Variants in RASGRF1 observed in about 807,000 individuals in gnomAD.
RASGRF1 encodes the protein ras-specific guanine nucleotide-releasing factor 1.
RASGRF1 carries 40 observed loss-of-function variants against 138.7 expected under a neutral mutation model. The observed-to-expected ratio is 0.29, with a 90% CI of 0.22 to 0.38. RASGRF1 has a LOEUF of 0.38. RASGRF1 is among the 10% of genes least tolerant of loss of function. The pLI, the probability that RASGRF1 is intolerant of heterozygous loss-of-function variation, is 1.00. For missense variants in RASGRF1, 1,108 were observed against 1,650.4 expected (o/e 0.67, Z 5.69); for synonymous variants, 614 against 663.2 (o/e 0.93, Z 1.14).
chr15:78,995,625 T>C, intron 20 of RASGRF1, 115 bp downstream of exon 20: 1 of 1,315,536 alleles, frequency 7.6e-7, no homozygotes, highest in Non-Finnish European at 1.1e-6. Flanking sequence ...TTTGTGGTAT[T>C]TTTTCACAAC....
At chr15:79,004,764 T>C in intron 14 of RASGRF1, 3 of 985,682 alleles carry the variant, frequency 3.0e-6, no homozygotes, top group South Asian at 4.7e-5. Flanking sequence ...AAACAGGTTA[T>C]ACATCCAGAA....
At chr15:78,977,391 C>T (rs940553958) in intron 24 of RASGRF1, among the ~76,000 whole-genome samples, 1 of 151,972 alleles carries the variant, frequency 6.6e-6, no homozygotes, top group Non-Finnish European at 1.5e-5. Context: ...AAGGTTCTGG[C>T]ACGAGGTACA....
At chr15:79,053,375 C>T (rs559688484) in intron 3 of RASGRF1, among the ~76,000 whole-genome samples, 106 of 152,358 alleles carry the variant, frequency 7.0e-4, no homozygotes, top group Middle Eastern at 3.4e-3. Flanking sequence ...TGTTCCCGTT[C>T]CAATAAAATA....
chr15:78,991,632 G>C, intron 21 of RASGRF1, 59 bp downstream of exon 21: 1 of 1,343,704 alleles, frequency 7.4e-7, no homozygotes, highest in Non-Finnish European at 1.1e-6. Flanking sequence ...CTTCCAGGGT[G>C]CTGTCCAAGA....
chr15:79,064,577 C>T, intron 1 of RASGRF1, 51 bp from the exon 2 acceptor site: 2 of 1,538,200 alleles, frequency 1.3e-6, no homozygotes, highest in East Asian at 2.2e-5. Context: ...ATGGGACCAA[C>T]AACGACTCTT....
At chr15:79,008,992 A>G (rs931329660) in intron 13 of RASGRF1, among the ~76,000 whole-genome samples, 4 of 152,192 alleles carry the variant, frequency 2.6e-5, no homozygotes, top group Non-Finnish European at 4.4e-5. Context: ...ATGACGTCTG[A>G]TAAGGTTAGT....
intron 3 of RASGRF1, among the ~76,000 whole-genome samples, chr15:79,055,402 CAG>C (rs141262185): frequency 6.6e-6 from 1 of 151,198 alleles, no homozygotes; most frequent in African/African-American, 2.4e-5. Context: ...GAGAGAGAAA[CAG>C]AGAGAGAGAG....
chr15:79,002,323 G>T (rs2056548249), intron 15 of RASGRF1, among the ~76,000 whole-genome samples: 1 of 152,094 alleles, frequency 6.6e-6, no homozygotes, highest in Non-Finnish European at 1.5e-5. Flanking sequence ...GGAGACTCCT[G>T]GTCCACACAC....
intron 17 of RASGRF1, among the ~76,000 whole-genome samples, chr15:78,999,419 C>G (rs551456450): frequency 6.6e-6 from 1 of 152,226 alleles, no homozygotes; most frequent in Non-Finnish European, 1.5e-5. Context: ...GGCCCTGGCT[C>G]TAGGTGTGGG....
intron 11 of RASGRF1, 59 bp downstream of exon 11, chr15:79,019,982 G>C: frequency 6.3e-7 from 1 of 1,591,846 alleles, no homozygotes; most frequent in South Asian, 1.1e-5. Context: ...ACCTTTAGGA[G>C]TGAGCGTGTG....
chr15:78,989,879 G>GT (rs1172339973), intron 22 of RASGRF1, among the ~76,000 whole-genome samples: 3 of 152,190 alleles, frequency 2.0e-5, no homozygotes, highest in Non-Finnish European at 4.4e-5. Context: ...GCTCCGAGGA[G>GT]TAACCCCCAC....
At chr15:78,971,288 T>C (rs557630497) in intron 26 of RASGRF1, among the ~76,000 whole-genome samples, 3 of 152,256 alleles carry the variant, frequency 2.0e-5, no homozygotes, top group South Asian at 4.1e-4. Flanking sequence ...ATACAGAGGA[T>C]TGGCTAAATA....
At chr15:78,978,757 T>G in intron 24 of RASGRF1, 1 of 1,111,898 alleles carries the variant, frequency 9.0e-7, no homozygotes, top group Non-Finnish European at 1.1e-6. Context: ...GGAGAGGGGG[T>G]GCGGGAAGCA....
At chr15:78,967,803 C>T (rs937643310) in intron 26 of RASGRF1, among the ~76,000 whole-genome samples, 1 of 152,092 alleles carries the variant, frequency 6.6e-6, no homozygotes, top group African/African-American at 2.4e-5. Flanking sequence ...AGGGCTGAAC[C>T]ATTTGAAGGT....
intron 3 of RASGRF1, among the ~76,000 whole-genome samples, chr15:79,056,602 A>C (rs2057514372): frequency 6.6e-6 from 1 of 152,196 alleles, no homozygotes; most frequent in Non-Finnish European, 1.5e-5. Context: ...TCTCCTGTGA[A>C]ATGCAGGTGA....
rs368604970 is a variant in RASGRF1 at position 78,973,220 on chromosome 15, G to T, written c.3612+83C>A. The T allele has an allele frequency of 3.0e-5, 35 of 1,165,022 alleles. No homozygotes were observed. In the South Asian group the frequency reaches 3.7e-4, roughly 12 times the overall value. The allele number at this position is 1,165,022 out of a possible 1,614,324, so 72.2% of individuals were successfully genotyped here. On this transcript the variant is annotated intron_variant, in intron 25 of 26. Transcript: ENST00000558480. This position sits in a 1 kb window ranked among gnomAD's most constrained non-coding sequence, Gnocchi z 4.9. Reference sequence around the variant, plus strand: ...ACCCTATGCAGCAGGTTGGGCCTTGGGGGGCAGAGTGTGGGTGGGCCCCAG... The same window carrying T: ...ACCCTATGCAGCAGGTTGGGCCTTGTGGGGCAGAGTGTGGGTGGGCCCCAG...
chr15:78,992,976 C>T (rs2056300998), intron 20 of RASGRF1, among the ~76,000 whole-genome samples: 1 of 149,120 alleles, frequency 6.7e-6, no homozygotes, highest in East Asian at 1.9e-4. Context: ...GTGAATGGAG[C>T]GAGGACCGTG....
intron 1 of RASGRF1, among the ~76,000 whole-genome samples, chr15:79,067,973 G>A (rs906686074): frequency 6.6e-6 from 1 of 152,182 alleles, no homozygotes; most frequent in Admixed American, 6.5e-5. Context: ...CAGTGAGAAT[G>A]TCAGATTTCC....
intron 1 of RASGRF1, among the ~76,000 whole-genome samples, chr15:79,082,500 A>G (rs2057926953): frequency 6.6e-6 from 1 of 152,210 alleles, no homozygotes; most frequent in South Asian, 2.1e-4. Flanking sequence ...GATGAGTCTT[A>G]GTTGTGCTGA....
Sources: gnomAD v4.1 joint callset for allele counts (sites outside exome capture counted in the v4.1 genomes callset) on GRCh38, gnomAD v4.1.1 for gene constraint, Gnocchi (gnomAD v3.1) non-coding constraint, MANE v1.5 for transcripts, NCBI Gene and HGNC (gene_info 2026-07-23, HGNC 2026-07-21) for gene names.